ANKRD62: variants seen among roughly 807,000 people sequenced by gnomAD.
ANKRD62 encodes the protein ankyrin repeat domain-containing protein 62.
ANKRD62 carries 61 observed loss-of-function variants against 98.8 expected under a neutral mutation model. The observed-to-expected ratio is 0.62, with a 90% CI of 0.50 to 0.76. The LOEUF is 0.76. Ranked by LOEUF, ANKRD62 falls within the 30% of genes least tolerant of loss-of-function variation. The pLI is 0.00. For synonymous variants in ANKRD62, 341 were observed against 367.9 expected, an observed-to-expected ratio of 0.93 and a Z score of 0.84; for missense variants, 933 against 1,082.9, an observed-to-expected ratio of 0.86 and a Z score of 1.94.
At chr18:12,158,192 G>A in the ANKRD62 span, among the ~76,000 whole-genome samples, 31 of 152,196 alleles carry the variant, frequency 2.0e-4, no homozygotes, top group Non-Finnish European at 4.0e-4. Flanking sequence ...CCAGAGGAAC[G>A]TGCTTTGTTT....
At chr18:12,140,862 C>T in the ANKRD62 span, among the ~76,000 whole-genome samples, 5 of 152,226 alleles carry the variant, frequency 3.3e-5, no homozygotes, top group Non-Finnish European at 7.3e-5. Context: ...GCTGGGAGAA[C>T]CACTTCTCTC....
At chr18:12,121,436 C>G (rs1909779622) in intron 10 of ANKRD62, among the ~76,000 whole-genome samples, 1 of 152,136 alleles carries the variant, frequency 6.6e-6, no homozygotes, top group Non-Finnish European at 1.5e-5. Context: ...CGTGTCCCCT[C>G]CACCGCTCGC....
Position 12,125,723 on chromosome 18 carries a change from G to T in ANKRD62, c.1902G>T (p.Met634Ile). The T allele has an allele frequency of 6.5e-7, 1 of 1,542,762 alleles. No individual in the cohort carries two copies. Among genetic ancestry groups the T allele is most frequent in the Non-Finnish European group, 8.7e-7 (1 of 1,146,902 alleles). ...ATGTTCTGATGGATGAGAATACAATGCTCAATTCTGAGCTACAGAAGGAAA... is the reference window on the plus strand; with the variant it reads ...ATGTTCTGATGGATGAGAATACAATTCTCAATTCTGAGCTACAGAAGGAAA... ...ELNVLMDENT[M>I]LNSELQKEKQ... Residue 634 changes from methionine (M) to isoleucine (I), a missense_variant, in exon 13 of 14, where the codon ATG becomes ATT. Transcript: ENST00000587848.
the ANKRD62 span, among the ~76,000 whole-genome samples, chr18:12,170,077 C>T: frequency 6.6e-6 from 1 of 152,166 alleles, no homozygotes; most frequent in African/African-American, 2.4e-5. Flanking sequence ...TTTCAAAAAA[C>T]TAGCTCCTGG....
At chr18:12,154,160 AAC>A in the ANKRD62 span, among the ~76,000 whole-genome samples, 2 of 152,174 alleles carry the variant, frequency 1.3e-5, no homozygotes, top group Non-Finnish European at 1.5e-5. Flanking sequence ...CAACAGAACA[AAC>A]AGCCTACAAA....
At chr18:12,174,292 ATTAATAC>A in the ANKRD62 span, among the ~76,000 whole-genome samples, 1 of 152,090 alleles carries the variant, frequency 6.6e-6, no homozygotes, top group Non-Finnish European at 1.5e-5. Context: ...CTGTTCTGCT[ATTAATAC>A]TTGGGATTGC....
chr18:12,170,758 A>G, the ANKRD62 span, among the ~76,000 whole-genome samples: 73 of 152,160 alleles, frequency 4.8e-4, no homozygotes, highest in East Asian at 0.011. Context: ...TTATTGTGTG[A>G]GAGTCTAAGT....
chr18:12,139,970 A>G, the ANKRD62 span, among the ~76,000 whole-genome samples: 2 of 152,174 alleles, frequency 1.3e-5, no homozygotes, highest in Non-Finnish European at 2.9e-5. Flanking sequence ...TCTCCCTGTC[A>G]CTTTCAGGTA....
Position 12,094,197 on chromosome 18 carries a change from C to G in ANKRD62, c.180C>G (p.Leu60=). ...DVNKVMESIL[L]RLNDLNDRDK... ...ACAAGGTGATGGAGAGCATCTTGCTCAGGCTGAATGACTTGAACGACAGGG... is the reference window on the plus strand; with the variant it reads ...ACAAGGTGATGGAGAGCATCTTGCTGAGGCTGAATGACTTGAACGACAGGG... Residue 60 remains leucine (L), a synonymous_variant, in exon 1 of 14, where the codon CTC becomes CTG. Transcript: ENST00000587848. 1.3e-6 allele frequency: 2 copies of G among 1,530,660 alleles called. No individual in the cohort carries two copies. The highest frequency in any genetic ancestry group is 1.7e-6 in the Non-Finnish European group (2 of 1,145,972). 94.8% of individuals were successfully genotyped at this position (1,530,660 alleles called of 1,614,324 possible). A position where few individuals can be genotyped will look rare whatever the true frequency, so the allele number is the denominator to read the frequency against.
At chr18:12,112,956 T>G (rs927316545) in intron 8 of ANKRD62, among the ~76,000 whole-genome samples, 1 of 152,186 alleles carries the variant, frequency 6.6e-6, no homozygotes, top group Admixed American at 6.5e-5. Context: ...AGTGCAGTGC[T>G]GTGATCTCCA....
Position 12,107,401 on chromosome 18 carries a change from A to G in ANKRD62, c.998A>G (p.His333Arg). The change falls in exon 8 of 14, where the codon CAC (histidine) becomes CGC (arginine). Residue 333 changes from histidine (H) to arginine (R), a missense_variant. Coordinates refer to ENST00000587848, the MANE Select transcript of ANKRD62 (RefSeq NM_001277333.2). ...NYNDDVDELI[H>R]KIKNRKPDNH... is the part of the protein sequence containing the mutation. ...AATGATGATGTTGATGAATTAATTC[A>G]CAAAATAAAGAACAGAAAACCTGAT... The G allele has an allele frequency of 6.5e-7, 1 of 1,526,916 alleles. No homozygotes were observed. The highest frequency in any genetic ancestry group is 2.5e-5 in the East Asian group (1 of 40,270). 94.6% of individuals were successfully genotyped at this position (1,526,916 alleles called of 1,614,324 possible). A position where few individuals can be genotyped will look rare whatever the true frequency, so the allele number is the denominator to read the frequency against.
At chr18:12,139,027 C>A in the ANKRD62 span, among the ~76,000 whole-genome samples, 1 of 152,138 alleles carries the variant, frequency 6.6e-6, no homozygotes, top group African/African-American at 2.4e-5. Flanking sequence ...TTAATTGGAG[C>A]ATTTAGCCCA....
chr18:12,150,398 G>A, the ANKRD62 span, among the ~76,000 whole-genome samples: 3 of 152,214 alleles, frequency 2.0e-5, no homozygotes, highest in African/African-American at 7.2e-5. Context: ...TATTGTCTAT[G>A]ACAACTTCCC....
chr18:12,106,280 A>G (rs922310024), intron 7 of ANKRD62, among the ~76,000 whole-genome samples: 3 of 152,176 alleles, frequency 2.0e-5, no homozygotes, highest in Admixed American at 6.6e-5. Context: ...TGTCAGTACC[A>G]TGGATTCTCA....
chr18:12,167,327 G>T, the ANKRD62 span, among the ~76,000 whole-genome samples: 4 of 151,490 alleles, frequency 2.6e-5, no homozygotes, highest in Admixed American at 2.6e-4. Flanking sequence ...GATGTTCCCT[G>T]CCCTGTGTCC....
At chr18:12,125,338 A>T in intron 12 of ANKRD62, 122 bp from the exon 13 acceptor site, 1 of 925,224 alleles carries the variant, frequency 1.1e-6, no homozygotes, top group Non-Finnish European at 1.4e-6. Flanking sequence ...TTCCAGTTGG[A>T]TATCCAGATG....
At chr18:12,157,192 G>A in the ANKRD62 span, among the ~76,000 whole-genome samples, 1 of 152,118 alleles carries the variant, frequency 6.6e-6, no homozygotes, top group African/African-American at 2.4e-5. Flanking sequence ...TTGTTCTGCT[G>A]GGCACTTATT....
chr18:12,165,706 A>C, the ANKRD62 span, among the ~76,000 whole-genome samples: 1 of 152,066 alleles, frequency 6.6e-6, no homozygotes, highest in Non-Finnish European at 1.5e-5. Context: ...GTGTTACACT[A>C]TTCTGGGGGT....
chr18:12,153,569 G>GT, the ANKRD62 span, among the ~76,000 whole-genome samples: 1 of 145,702 alleles, frequency 6.9e-6, no homozygotes, highest in Non-Finnish European at 1.5e-5. Flanking sequence ...TCCAGCCTGG[G>GT]TGACAGAGCG....
Sources: allele counts gnomAD v4.1 joint callset (sites outside exome capture counted in the v4.1 genomes callset), GRCh38; gene constraint gnomAD v4.1.1; transcripts MANE v1.5; gene names NCBI Gene and HGNC (gene_info 2026-07-23, HGNC 2026-07-21).